DENND1A: variants seen among roughly 807,000 people sequenced by gnomAD.
DENND1A encodes DENN domain-containing protein 1A.
DENND1A carries 51 observed loss-of-function variants against 113.7 expected under a neutral mutation model. That is an observed-to-expected ratio of 0.45 (90% confidence interval 0.36 to 0.57). The LOEUF (loss-of-function observed/expected upper bound fraction) is 0.57, where lower values mean the gene tolerates loss of function less well. Ranked by LOEUF, DENND1A falls within the 20% of genes least tolerant of loss-of-function variation. DENND1A has a pLI of 0.00. For synonymous variants in DENND1A, 565 were observed against 570.8 expected (o/e 0.99, Z 0.14); for missense variants, 1,258 against 1,395.9 (o/e 0.90, Z 1.57).
chr9:123,533,687 G>C (rs2055509282), intron 13 of DENND1A, among the ~76,000 whole-genome samples: 1 of 152,214 alleles, frequency 6.6e-6, no homozygotes, highest in African/African-American at 2.4e-5. Flanking sequence ...CATTGGAGAT[G>C]CTCTGTTCAA....
At chr9:123,757,480 C>T (rs1327581045) in intron 5 of DENND1A, among the ~76,000 whole-genome samples, 2 of 152,230 alleles carry the variant, frequency 1.3e-5, no homozygotes, top group Non-Finnish European at 2.9e-5. Context: ...GAGATGGTCC[C>T]CTTTCCCACC....
intron 1 of DENND1A, among the ~76,000 whole-genome samples, chr9:123,918,761 A>G (rs1855696201): frequency 6.6e-6 from 1 of 152,142 alleles, no homozygotes; most frequent in Non-Finnish European, 1.5e-5. Context: ...TATCCCAGCT[A>G]GTATGAAGAA....
chr9:123,803,239 G>A (rs529829631), intron 2 of DENND1A, among the ~76,000 whole-genome samples: 10 of 152,234 alleles, frequency 6.6e-5, no homozygotes, highest in African/African-American at 2.4e-4. Flanking sequence ...ACACCTTATA[G>A]TTTAAGGTAT....
chr9:123,856,296 G>A (rs187099045), intron 2 of DENND1A, among the ~76,000 whole-genome samples: 1 of 152,258 alleles, frequency 6.6e-6, no homozygotes, highest in African/African-American at 2.4e-5. Flanking sequence ...ACAATATGGG[G>A]ACTCAAAGTG....
intron 2 of DENND1A, among the ~76,000 whole-genome samples, chr9:123,821,458 T>C (rs1203795272): frequency 1.3e-5 from 2 of 152,360 alleles, no homozygotes; most frequent in African/African-American, 2.4e-5. Flanking sequence ...TAGTCTGTCA[T>C]GGCTAACAGA....
intron 12 of DENND1A, among the ~76,000 whole-genome samples, chr9:123,572,880 G>A (rs530749329): frequency 6.6e-6 from 1 of 152,100 alleles, no homozygotes; most frequent in Admixed American, 6.5e-5. Context: ...CCCAATTCAT[G>A]AGGATTCCCT....
rs1465409222 is a variant in DENND1A, at chr9:123,379,853, G to A, written c.*1579C>T. On this transcript the variant is annotated 3_prime_UTR_variant, in exon 24 of 24. Transcript: ENST00000394215. ...ACCTCCTCTGCCCTATCCCGGATGG[G>A]GCCTGGGGGTCTGCCCAGGGTGCGA... 6.6e-6 allele frequency: 1 copy of A among 152,358 alleles called. No individual in the cohort carries two copies. The highest frequency in any genetic ancestry group is 2.4e-5 in the African/African-American group (1 of 41,446). The allele number at this position is 152,358 out of a possible 1,614,324, so 9.4% of individuals were successfully genotyped here. A position where few individuals can be genotyped will look rare whatever the true frequency, so the allele number is the denominator to read the frequency against.
intron 12 of DENND1A, among the ~76,000 whole-genome samples, chr9:123,559,023 G>C (rs548330353): frequency 6.6e-6 from 1 of 152,272 alleles, no homozygotes; most frequent in Non-Finnish European, 1.5e-5. Flanking sequence ...TGTCAAGAAG[G>C]TCAAGGAAGG....
chr9:123,601,883 G>A (rs910495083), intron 11 of DENND1A, among the ~76,000 whole-genome samples: 1 of 152,140 alleles, frequency 6.6e-6, no homozygotes, highest in Non-Finnish European at 1.5e-5. Context: ...AGGAATATGG[G>A]GCCACCAGCT....
At chr9:123,462,964 G>A (rs756410176) in intron 13 of DENND1A, among the ~76,000 whole-genome samples, 10 of 152,028 alleles carry the variant, frequency 6.6e-5, no homozygotes, top group Non-Finnish European at 1.0e-4. Context: ...CCACCAGCTC[G>A]TCCACCTGCG....
chr9:123,905,922 C>G (rs1472847732), intron 1 of DENND1A, among the ~76,000 whole-genome samples: 1 of 150,774 alleles, frequency 6.6e-6, no homozygotes, highest in African/African-American at 2.4e-5. Context: ...CAGCACCACA[C>G]CACACCTATT....
intron 13 of DENND1A, among the ~76,000 whole-genome samples, chr9:123,553,335 T>G (rs1379960804): frequency 1.3e-5 from 2 of 152,118 alleles, no homozygotes; most frequent in Non-Finnish European, 2.9e-5. Context: ...TGGCTCTGAT[T>G]TCAGATCACA....
At chr9:123,793,757 A>G (rs1463953426) in intron 2 of DENND1A, among the ~76,000 whole-genome samples, 1 of 152,222 alleles carries the variant, frequency 6.6e-6, no homozygotes, top group Non-Finnish European at 1.5e-5. Context: ...CTAGGATCCT[A>G]GAAATACCAG....
rs150487069 is a variant in DENND1A at position 123,466,064 on chromosome 9, G to A, written c.994-8167C>T. 1.6e-3 allele frequency among the ~76,000 whole-genome samples: 242 copies of A among 152,182 alleles called. 2 individuals are homozygous for A. The highest frequency in any genetic ancestry group is 5.2e-3 in the African/African-American group (214 of 41,504). The stretch of plus-strand genomic sequence containing the variant: ...CACCCAGGCTGGAGTGCAGTGGCGC[G>A]ATCTCGGCTCACTACAAGCTCCACC... On this transcript the variant is annotated intron_variant, in intron 13 of 23. Coordinates refer to ENST00000394215, the MANE Select transcript of DENND1A (RefSeq NM_001352964.2).
intron 13 of DENND1A, among the ~76,000 whole-genome samples, chr9:123,458,406 T>C (rs535079516): frequency 1.1e-3 from 163 of 152,352 alleles, no homozygotes; most frequent in African/African-American, 3.7e-3. Flanking sequence ...AACTAGCTAA[T>C]AGTGAAGTAG....
chr9:123,683,137 A>G lies in DENND1A; in HGVS notation c.303-6348T>C, dbSNP rs113508224. Reference sequence around the variant, plus strand: ...CAAATTTGCCATGAACTAAAACTACAACTCTTGCAAAGGAGACTGGATTTT... The same window carrying G: ...CAAATTTGCCATGAACTAAAACTACGACTCTTGCAAAGGAGACTGGATTTT... On this transcript the variant is annotated intron_variant, in intron 5 of 23. Coordinates refer to ENST00000394215, the MANE Select transcript of DENND1A (RefSeq NM_001352964.2). Among the ~76,000 whole-genome samples, 9 of 152,290 alleles carry G rather than the reference A, an allele frequency of 5.9e-5. 1 individual carries two copies. The highest frequency in any genetic ancestry group is 2.2e-4 in the African/African-American group (9 of 41,558).
chr9:123,577,858 C>T lies in DENND1A; in HGVS notation c.867+5311G>A, dbSNP rs565415518. On this transcript the variant is annotated intron_variant, in intron 12 of 23. Coordinates refer to ENST00000394215, the MANE Select transcript of DENND1A (RefSeq NM_001352964.2). ...CTCAAAGCTTAATTTTAAGCTCTTT[C>T]AGGGCAGGGCTAAAATGATCTTTAT... Among the ~76,000 whole-genome samples the T allele has an allele frequency of 3.9e-5, 6 of 152,276 alleles. No homozygotes were observed. In the East Asian group the frequency reaches 1.2e-3, roughly 29 times the overall value.
At chr9:123,676,144 T>C (rs1402291781) in intron 6 of DENND1A, among the ~76,000 whole-genome samples, 1 of 152,238 alleles carries the variant, frequency 6.6e-6, no homozygotes, top group Non-Finnish European at 1.5e-5. Flanking sequence ...AACTGGCCTT[T>C]GACATCCATG....
chr9:123,798,731 A>C (rs1368620685), intron 2 of DENND1A, among the ~76,000 whole-genome samples: 1 of 150,662 alleles, frequency 6.6e-6, no homozygotes, highest in Non-Finnish European at 1.5e-5. Context: ...GAGGCAAAAA[A>C]AAAAAAAAAA....
Sources: gnomAD v4.1 joint callset for allele counts (sites outside exome capture counted in the v4.1 genomes callset) on GRCh38, gnomAD v4.1.1 for gene constraint, MANE v1.5 for transcripts, NCBI Gene and HGNC (gene_info 2026-07-23, HGNC 2026-07-21) for gene names.